Variants in PSD3 observed in about 807,000 individuals in gnomAD.
PSD3 encodes the protein pleckstrin and Sec7 domain containing 3.
Under a neutral mutation model 105.5 loss-of-function variants are expected in PSD3, and 49 were observed. The ratio of observed to expected loss-of-function variants is 0.46; its 90% CI spans 0.37 to 0.59. The LOEUF is 0.59. Ranked by LOEUF, PSD3 falls within the 20% of genes least tolerant of loss-of-function variation. The pLI is 0.00. For missense variants in PSD3, 1,561 were observed against 1,263.8 expected (o/e 1.24, Z -3.57); for synonymous variants, 557 against 457.8 (o/e 1.22, Z -2.77).
At chr8:19,014,343 C>T (rs1395916332), upstream of PSD3, 1 of 152,174 alleles carries the variant, frequency 6.6e-6, no homozygotes, top group Admixed American at 6.5e-5. This position sits in a 1 kb window ranked among gnomAD's most constrained non-coding sequence, Gnocchi z 4.9. Flanking sequence ...TGAGGCGAGT[C>T]CCCCCAGGCG....
chr8:18,659,118 T>C (rs993024641), intron 9 of PSD3, among the ~76,000 whole-genome samples: 2 of 151,876 alleles, frequency 1.3e-5, no homozygotes, highest in African/African-American at 4.8e-5. Flanking sequence ...GACTAGGGGG[T>C]TGTGGGGAGG....
intron 10 of PSD3, among the ~76,000 whole-genome samples, chr8:18,644,352 A>G (rs1416435523): frequency 1.3e-5 from 2 of 152,198 alleles, no homozygotes; most frequent in Non-Finnish European, 2.9e-5. Flanking sequence ...CTCCATCAAC[A>G]TTTTGCTTTG....
intron 9 of PSD3, among the ~76,000 whole-genome samples, chr8:18,728,087 A>C (rs1314581743): frequency 6.6e-6 from 1 of 152,080 alleles, no homozygotes; most frequent in Non-Finnish European, 1.5e-5. Flanking sequence ...GAGAAAGGGA[A>C]GTAGAAGAGA....
At position 18,529,293 on chromosome 8, in the gene PSD3, C is replaced by G. The variant is rs933330175; in HGVS notation, c.*6450G>C. The G allele has an allele frequency of 6.6e-6, 1 of 152,232 alleles. No homozygotes were observed. The highest frequency in any genetic ancestry group is 1.5e-5 in the Non-Finnish European group (1 of 68,038). The allele number at this position is 152,232 out of a possible 1,614,324, so 9.4% of individuals were successfully genotyped here. On this transcript the variant is annotated 3_prime_UTR_variant, in exon 16 of 16. Coordinates refer to ENST00000327040, the MANE Select transcript of PSD3 (RefSeq NM_015310.4). ...CAGACACTAGAGCTCAGATTCCACCCTGGCCCTTGGAAAACATCTGTGATG... is the reference window on the plus strand; with the variant it reads ...CAGACACTAGAGCTCAGATTCCACCGTGGCCCTTGGAAAACATCTGTGATG...
intron 8 of PSD3, among the ~76,000 whole-genome samples, chr8:18,797,383 G>T (rs1403062597): frequency 6.6e-6 from 1 of 152,042 alleles, no homozygotes; most frequent in Non-Finnish European, 1.5e-5. Context: ...CTAACTCAAG[G>T]TAATATTAAA....
At chr8:18,988,981 A>G (rs1012951921) in intron 1 of PSD3, among the ~76,000 whole-genome samples, 1 of 152,218 alleles carries the variant, frequency 6.6e-6, no homozygotes, top group African/African-American at 2.4e-5. Flanking sequence ...ACTGTGTTCT[A>G]ATAAACAGCA....
rs1261320078 is a variant in PSD3, at chr8:18,649,538, G to C, written c.2216+6104C>G. Among the ~76,000 whole-genome samples, 6 of 152,144 alleles carry C rather than the reference G, an allele frequency of 3.9e-5. No homozygotes were observed. In the East Asian group the frequency reaches 1.2e-3, roughly 29 times the overall value. The stretch of plus-strand genomic sequence containing the variant: ...CTCATAGGCACAAGGGACTAGGCTT[G>C]TCTCAGATAAGAGTGAGTTAAGGCT... On this transcript the variant is annotated intron_variant, in intron 10 of 15. Transcript: ENST00000327040.
chr8:18,942,905 C>T (rs892650620), intron 1 of PSD3, among the ~76,000 whole-genome samples: 1 of 152,162 alleles, frequency 6.6e-6, no homozygotes, highest in Non-Finnish European at 1.5e-5. Context: ...AGGTAACAAG[C>T]CCCTGCTATT....
chr8:18,593,931 A>G (rs1158834028), intron 12 of PSD3, among the ~76,000 whole-genome samples: 2 of 116,130 alleles, frequency 1.7e-5, no homozygotes, highest in African/African-American at 3.5e-5. Flanking sequence ...CAATGAGAAC[A>G]CTTGGACACA....
chr8:18,961,407 G>A (rs1290712975), intron 1 of PSD3, among the ~76,000 whole-genome samples: 1 of 152,152 alleles, frequency 6.6e-6, no homozygotes, highest in African/African-American at 2.4e-5. Flanking sequence ...AATATATGCA[G>A]GCTGGGCGCG....
intron 1 of PSD3, among the ~76,000 whole-genome samples, chr8:19,047,004 A>ACCAAGCTG (rs980518821): frequency 2.0e-5 from 3 of 152,180 alleles, no homozygotes; most frequent in Non-Finnish European, 2.9e-5. Flanking sequence ...CAGCCCTGGG[A>ACCAAGCTG]CCAACAGCTT....
At chr8:18,871,207 A>G (rs543126499) in intron 3 of PSD3, among the ~76,000 whole-genome samples, 1 of 152,194 alleles carries the variant, frequency 6.6e-6, no homozygotes, top group Non-Finnish European at 1.5e-5. Context: ...TACCCAGAAG[A>G]AATGCCAAGG....
intron 9 of PSD3, among the ~76,000 whole-genome samples, chr8:18,674,638 C>A (rs567467205): frequency 6.6e-6 from 1 of 152,176 alleles, no homozygotes; most frequent in African/African-American, 2.4e-5. Context: ...AAAATCTCCT[C>A]AAAACACTGT....
intron 1 of PSD3, among the ~76,000 whole-genome samples, chr8:19,078,894 AG>A (rs1339195607): frequency 1.3e-5 from 2 of 151,548 alleles, no homozygotes; most frequent in Admixed American, 6.6e-5. Context: ...AGAATGGGCA[AG>A]CAGAAGATAG....
intron 8 of PSD3, among the ~76,000 whole-genome samples, chr8:18,767,646 C>G (rs982246811): frequency 2.0e-5 from 3 of 152,044 alleles, no homozygotes; most frequent in African/African-American, 7.2e-5. Context: ...ACTTGGGAGG[C>G]TGAGGCAGAA....
chr8:19,006,138 C>A (rs1826668669), intron 1 of PSD3, among the ~76,000 whole-genome samples: 2 of 151,204 alleles, frequency 1.3e-5, no homozygotes, highest in Non-Finnish European at 3.0e-5. Context: ...ATTAAAAATA[C>A]AAAAATTAGC....
At chr8:19,055,039 T>C (rs1828662059) in intron 1 of PSD3, among the ~76,000 whole-genome samples, 1 of 152,198 alleles carries the variant, frequency 6.6e-6, no homozygotes, top group Admixed American at 6.5e-5. Flanking sequence ...TTGTCACTTC[T>C]GGGCCAAGGC....
At chr8:18,861,438 A>G (rs2129455437) in intron 4 of PSD3, among the ~76,000 whole-genome samples, 1 of 152,152 alleles carries the variant, frequency 6.6e-6, no homozygotes, top group South Asian at 2.1e-4. Flanking sequence ...GGTGACTCCA[A>G]AGTCTCTCCA....
chr8:18,802,788 C>T (rs147968322), intron 6 of PSD3, among the ~76,000 whole-genome samples: 14 of 152,244 alleles, frequency 9.2e-5, no homozygotes, highest in African/African-American at 3.4e-4. Flanking sequence ...AAATTAAATG[C>T]TGACTAGGTT....
Sources: allele counts gnomAD v4.1 joint callset (sites outside exome capture counted in the v4.1 genomes callset), GRCh38; gene constraint gnomAD v4.1.1; non-coding constraint Gnocchi (gnomAD v3.1); transcripts MANE v1.5; gene names NCBI Gene and HGNC (gene_info 2026-07-23, HGNC 2026-07-21).